FSTL1: variants seen among roughly 807,000 people sequenced by gnomAD.
FSTL1 encodes the protein follistatin like 1, also known as follistatin-related protein 1.
A neutral mutation model predicts 45.9 loss-of-function variants in FSTL1; 24 were observed. The ratio of observed to expected loss-of-function variants is 0.52; its 90% CI spans 0.38 to 0.74. The LOEUF (loss-of-function observed/expected upper bound fraction) is 0.74. Among genes scored for constraint, FSTL1 ranks in the 30% least tolerant of loss-of-function variants. The pLI, the probability that FSTL1 is intolerant of heterozygous loss-of-function variation, is 0.00. For missense variants in FSTL1, 340 were observed against 381.8 expected (o/e 0.89, Z 0.91); for synonymous variants, 120 against 137.6 (o/e 0.87, Z 0.89).
chr3:120,417,791 C>T (rs989815859), intron 2 of FSTL1, among the ~76,000 whole-genome samples: 1 of 152,158 alleles, frequency 6.6e-6, no homozygotes, highest in Non-Finnish European at 1.5e-5. Flanking sequence ...TCAAAGACAC[C>T]CGCACACAGC....
intron 6 of FSTL1, among the ~76,000 whole-genome samples, chr3:120,407,361 C>A (rs1416236103): frequency 6.6e-6 from 1 of 152,148 alleles, no homozygotes; most frequent in Admixed American, 6.5e-5. Context: ...TCAGGAGCCA[C>A]AGGGATTGAG....
chr3:120,395,366 C>G lies in FSTL1; in HGVS notation c.*1586G>C. The G allele has an allele frequency of 3.2e-6, 1 of 307,830 alleles. No individual in the cohort carries two copies. The highest frequency in any genetic ancestry group is 2.9e-5 in the South Asian group (1 of 34,522). 19.1% of individuals were successfully genotyped at this position (307,830 alleles called of 1,614,324 possible). ...CAGAAGTCGAAAGACACAGGACTAACTGTAAATGACTGACCTCCCCAAGTC... is the reference window on the plus strand; with the variant it reads ...CAGAAGTCGAAAGACACAGGACTAAGTGTAAATGACTGACCTCCCCAAGTC... On this transcript the variant is annotated 3_prime_UTR_variant, in exon 11 of 11. Coordinates refer to ENST00000295633, the MANE Select transcript of FSTL1 (RefSeq NM_007085.5).
Position 120,427,720 on chromosome 3 carries a change from C to G in FSTL1, c.64-11693G>C, listed in dbSNP as rs115115878. Reference sequence around the variant, plus strand: ...TATGTGTGTTAATGAGGTAGAAGAGCAACGGAGGACGAAAATGGCTTTCAG... The same window carrying G: ...TATGTGTGTTAATGAGGTAGAAGAGGAACGGAGGACGAAAATGGCTTTCAG... On this transcript the variant is annotated intron_variant, in intron 2 of 10. Coordinates refer to ENST00000295633, the MANE Select transcript of FSTL1 (RefSeq NM_007085.5). 3.2e-3 allele frequency among the ~76,000 whole-genome samples: 489 copies of G among 152,290 alleles called. 2 individuals carry two copies. Among genetic ancestry groups the G allele is most frequent in the African/African-American group, 0.011 (471 of 41,548 alleles).
chr3:120,417,125 G>A (rs1053963190), intron 2 of FSTL1, among the ~76,000 whole-genome samples: 16 of 152,110 alleles, frequency 1.1e-4, no homozygotes, highest in African/African-American at 3.4e-4. Context: ...GACTGCAGGA[G>A]GCACGATGGG....
At chr3:120,436,040 T>C (rs1937550083) in intron 2 of FSTL1, among the ~76,000 whole-genome samples, 1 of 147,572 alleles carries the variant, frequency 6.8e-6, no homozygotes, top group Admixed American at 6.8e-5. Context: ...GGATTTCATA[T>C]CCCTATCACA....
intron 6 of FSTL1, among the ~76,000 whole-genome samples, chr3:120,406,186 C>G (rs923756638): frequency 6.6e-6 from 1 of 152,124 alleles, no homozygotes; most frequent in Admixed American, 6.5e-5. Flanking sequence ...TTCCTAGGAA[C>G]AGGTCTCTGA....
At chr3:120,401,395 G>A (rs1936822728) in intron 9 of FSTL1, among the ~76,000 whole-genome samples, 3 of 152,092 alleles carry the variant, frequency 2.0e-5, no homozygotes, top group African/African-American at 7.2e-5. Flanking sequence ...CTGGGCAGCG[G>A]TAGACCAGTG....
intron 2 of FSTL1, among the ~76,000 whole-genome samples, chr3:120,436,524 A>T (rs376436329): frequency 7.2e-5 from 11 of 152,390 alleles, no homozygotes; most frequent in Admixed American, 5.2e-4. Flanking sequence ...CAGGAGGCAG[A>T]CACCAATTAA....
At chr3:120,437,316 G>A (rs567997933) in intron 2 of FSTL1, among the ~76,000 whole-genome samples, 25 of 152,164 alleles carry the variant, frequency 1.6e-4, no homozygotes, top group Non-Finnish European at 2.9e-4. Flanking sequence ...TTTGGAATAT[G>A]GTAGGGAATG....
At chr3:120,412,032 C>A in intron 3 of FSTL1, 49 bp from the exon 4 acceptor site, 1 of 1,486,428 alleles carries the variant, frequency 6.7e-7, no homozygotes. Flanking sequence ...GATATCGACA[C>A]ACAGACACAC....
chr3:120,434,841 C>CT (rs1217062570), intron 2 of FSTL1, among the ~76,000 whole-genome samples: 6 of 152,210 alleles, frequency 3.9e-5, no homozygotes, highest in Admixed American at 1.3e-4. Context: ...CATCATCTCC[C>CT]TTGCCACACA....
intron 2 of FSTL1, among the ~76,000 whole-genome samples, chr3:120,420,590 T>C (rs1014146391): frequency 5.3e-5 from 8 of 152,236 alleles, no homozygotes; most frequent in Non-Finnish European, 8.8e-5. Flanking sequence ...GAAGACAGAC[T>C]GGGAACATTC....
At position 120,437,343 on chromosome 3, in the gene FSTL1, G is replaced by A. The variant is rs182516483; in HGVS notation, c.63+13341C>T. Among the ~76,000 whole-genome samples the A allele has an allele frequency of 1.1e-4, 17 of 152,280 alleles. 1 individual carries two copies. In the East Asian group the frequency reaches 2.1e-3, roughly 19 times the overall value. On this transcript the variant is annotated intron_variant, in intron 2 of 10. Transcript: ENST00000295633. ...TAGGGAATGAGTGAATGAATGACAT[G>A]CACTTATTAAATTCATTAACAGGCA...
intron 6 of FSTL1, among the ~76,000 whole-genome samples, chr3:120,408,816 CTGTG>C (rs10662375): frequency 6.6e-6 from 1 of 151,672 alleles, no homozygotes. Flanking sequence ...TGTGATGTAC[CTGTG>C]TGTGTGTCTG....
At chr3:120,418,798 C>T (rs535043072) in intron 2 of FSTL1, among the ~76,000 whole-genome samples, 1 of 152,248 alleles carries the variant, frequency 6.6e-6, no homozygotes, top group East Asian at 1.9e-4. Flanking sequence ...GAGGATTAAA[C>T]GGGATGTACT....
chr3:120,418,204 T>C (rs576760323), intron 2 of FSTL1, among the ~76,000 whole-genome samples: 1 of 152,374 alleles, frequency 6.6e-6, no homozygotes, highest in South Asian at 2.1e-4. Context: ...CAAAATGTTT[T>C]CATACACATG....
intron 6 of FSTL1, among the ~76,000 whole-genome samples, chr3:120,409,305 C>T (rs191591978): frequency 1.9e-3 from 291 of 152,322 alleles, no homozygotes; most frequent in African/African-American, 6.1e-3. Context: ...TGCCTGAAGG[C>T]AGCAGCACAT....
At chr3:120,441,042 A>G (rs1937622363) in intron 2 of FSTL1, among the ~76,000 whole-genome samples, 1 of 152,206 alleles carries the variant, frequency 6.6e-6, no homozygotes, top group Non-Finnish European at 1.5e-5. Context: ...TTGGCTCCCA[A>G]AGGGACAAAT....
intron 2 of FSTL1, among the ~76,000 whole-genome samples, chr3:120,445,995 C>T (rs1048910237): frequency 6.8e-6 from 1 of 146,060 alleles, no homozygotes; most frequent in African/African-American, 2.8e-5. Context: ...TGCATTTGCC[C>T]TCTGAGGACA....
Sources: gnomAD v4.1 joint callset for allele counts (sites outside exome capture counted in the v4.1 genomes callset) on GRCh38, gnomAD v4.1.1 for gene constraint, MANE v1.5 for transcripts, NCBI Gene and HGNC (gene_info 2026-07-23, HGNC 2026-07-21) for gene names.